Variants in SPTLC2 observed in about 807,000 individuals in gnomAD.
SPTLC2 encodes serine palmitoyltransferase 2.
A neutral mutation model predicts 62.0 loss-of-function variants in SPTLC2; 21 were observed. The observed-to-expected ratio is 0.34, with a 90% CI of 0.24 to 0.49. SPTLC2 has a LOEUF of 0.49. Among genes scored for constraint, SPTLC2 ranks in the 20% least tolerant of loss-of-function variants. SPTLC2 has a pLI of 0.99. For synonymous variants in SPTLC2, 261 were observed against 261.8 expected (o/e 1.00, Z 0.03); for missense variants, 511 against 713.0 (o/e 0.72, Z 3.23).
intron 9 of SPTLC2, among the ~76,000 whole-genome samples, chr14:77,543,346 T>A (rs2079511619): frequency 1.3e-5 from 2 of 152,098 alleles, no homozygotes; most frequent in African/African-American, 4.8e-5. Context: ...TGTCCTCTGT[T>A]GGGGCTGGAA....
chr14:77,597,418 CAAG>C (rs933461155), intron 1 of SPTLC2, 38 bp from the exon 2 acceptor site: 15 of 1,569,344 alleles, frequency 9.6e-6, no homozygotes, highest in African/African-American at 1.4e-5. Flanking sequence ...TCCATCATGG[CAAG>C]AAAAACATTC....
Position 77,597,426 on chromosome 14 carries a change from A to C in SPTLC2, c.133-46T>G, listed in dbSNP as rs762262754. 1.9e-6 allele frequency: 3 copies of C among 1,558,252 alleles called. No individual in the cohort carries two copies. The South Asian group carries it at 3.3e-5, about 17-fold the overall frequency. Reference sequence around the variant, plus strand: ...GTTTATTTCCATCATGGCAAGAAAAACATTCCTACCTAAAATCTAGGTCCT... The same window carrying C: ...GTTTATTTCCATCATGGCAAGAAAACCATTCCTACCTAAAATCTAGGTCCT... On this transcript the variant is annotated intron_variant, in intron 1 of 11. Transcript: ENST00000216484.
intron 4 of SPTLC2, among the ~76,000 whole-genome samples, chr14:77,574,777 A>G (rs1005738065): frequency 1.3e-5 from 2 of 152,252 alleles, no homozygotes; most frequent in African/African-American, 4.8e-5. Flanking sequence ...TTTTATATTT[A>G]ATGTCCAAAA....
rs963707121 is a variant in SPTLC2 at position 77,616,545 on chromosome 14, C to G, written c.35G>C (p.Arg12Pro). Residue 12 changes from arginine (R) to proline (P), a missense_variant, in exon 1 of 12, where the codon CGC becomes CCC. Physicochemically the swap from Arg to Pro is moderately radical, Grantham distance 103. Coordinates refer to ENST00000216484, the MANE Select transcript of SPTLC2 (RefSeq NM_004863.4). Reference protein sequence around the residue: ...RPEPGGCCCRRTVRANGCVAN... With the variant: ...RPEPGGCCCRPTVRANGCVAN... Reference sequence around the variant, plus strand: ...CACGCAGCCATTCGCCCGCACCGTGCGGCGGCAGCAGCAGCCTCCGGGCTC... The same window carrying G: ...CACGCAGCCATTCGCCCGCACCGTGGGGCGGCAGCAGCAGCCTCCGGGCTC... 25 of 1,535,866 alleles carry G rather than the reference C, an allele frequency of 1.6e-5. No individual in the cohort carries two copies. Among genetic ancestry groups the G allele is most frequent in the Non-Finnish European group, 2.1e-5 (24 of 1,146,728 alleles).
At chr14:77,615,053 G>A (rs971759653) in intron 1 of SPTLC2, among the ~76,000 whole-genome samples, 1 of 151,512 alleles carries the variant, frequency 6.6e-6, no homozygotes, top group East Asian at 1.9e-4. Context: ...ACTCCTACCC[G>A]TTAAATTTCC....
At chr14:77,610,224 T>G (rs566108696) in intron 1 of SPTLC2, among the ~76,000 whole-genome samples, 7 of 152,226 alleles carry the variant, frequency 4.6e-5, no homozygotes, top group Non-Finnish European at 7.4e-5. Flanking sequence ...CACTGCAACT[T>G]CCACCTCCTG....
intron 1 of SPTLC2, among the ~76,000 whole-genome samples, chr14:77,611,353 C>G (rs1247162830): frequency 6.8e-6 from 1 of 147,972 alleles, no homozygotes; most frequent in Non-Finnish European, 1.5e-5. Context: ...GACCCAGCTA[C>G]TTGGGAGGCT....
At chr14:77,597,039 C>A in intron 2 of SPTLC2, 147 bp downstream of exon 2, 1 of 789,868 alleles carries the variant, frequency 1.3e-6, no homozygotes, top group Non-Finnish European at 2.0e-6. Flanking sequence ...TTTCAGCTTT[C>A]TTTGTAGAAT....
At chr14:77,551,819 C>T (rs1372885068) in intron 9 of SPTLC2, among the ~76,000 whole-genome samples, 1 of 152,040 alleles carries the variant, frequency 6.6e-6, no homozygotes, top group African/African-American at 2.4e-5. Context: ...TCAAGAAAAA[C>T]CTCGAAGGTA....
chr14:77,605,185 T>TA (rs1205388728), intron 1 of SPTLC2, among the ~76,000 whole-genome samples: 1 of 151,998 alleles, frequency 6.6e-6, no homozygotes, highest in Non-Finnish European at 1.5e-5. Context: ...GGTTAATTTT[T>TA]TTTTTTTTTT....
intron 1 of SPTLC2, among the ~76,000 whole-genome samples, chr14:77,607,392 A>G (rs1430414469): frequency 6.6e-6 from 1 of 152,238 alleles, no homozygotes; most frequent in East Asian, 1.9e-4. Flanking sequence ...ATTAAAAGTA[A>G]TGGCAAAAGT....
intron 2 of SPTLC2, among the ~76,000 whole-genome samples, chr14:77,593,065 T>C (rs1018705196): frequency 6.6e-6 from 1 of 151,196 alleles, no homozygotes; most frequent in Admixed American, 6.6e-5. Flanking sequence ...ATCACGCCAC[T>C]GTACTCCAGC....
chr14:77,523,923 G>T (rs2079396731), intron 9 of SPTLC2, among the ~76,000 whole-genome samples: 1 of 152,126 alleles, frequency 6.6e-6, no homozygotes, highest in Admixed American at 6.5e-5. Flanking sequence ...AAAATTCCAG[G>T]CATTCAAAGA....
At chr14:77,594,586 C>A (rs375893014) in intron 2 of SPTLC2, among the ~76,000 whole-genome samples, 4 of 152,170 alleles carry the variant, frequency 2.6e-5, no homozygotes, top group African/African-American at 9.7e-5. Flanking sequence ...CATGGCGAGA[C>A]GCTGTCTCTA....
chr14:77,604,622 C>A (rs2079894952), intron 1 of SPTLC2, among the ~76,000 whole-genome samples: 1 of 152,096 alleles, frequency 6.6e-6, no homozygotes, highest in African/African-American at 2.4e-5. Flanking sequence ...AATACTAGCA[C>A]TTTGGGAGGC....
At position 77,539,558 on chromosome 14, in the gene SPTLC2, C is replaced by T. The variant is rs550918718; in HGVS notation, c.1303+12538G>A. Among the ~76,000 whole-genome samples, 8 of 120,794 alleles carry T rather than the reference C, an allele frequency of 6.6e-5. No homozygotes were observed. In the East Asian group the frequency reaches 1.7e-3, roughly 26 times the overall value. 79.2% of individuals were successfully genotyped at this position (120,794 alleles called of 152,430 possible). A position where few individuals can be genotyped will look rare whatever the true frequency, so the allele number is the denominator to read the frequency against. ...AGCCTGGAGTACAGTGGTGTGATCT[C>T]GGTTCATTGCAACCTCTGGCTCCTG... On this transcript the variant is annotated intron_variant, in intron 9 of 11. Transcript: ENST00000216484.
At chr14:77,537,518 A>G (rs2079477472) in intron 9 of SPTLC2, among the ~76,000 whole-genome samples, 1 of 152,200 alleles carries the variant, frequency 6.6e-6, no homozygotes. Flanking sequence ...AAGTTGAAAT[A>G]CGCTGGGAAA....
At chr14:77,597,472 C>A in intron 1 of SPTLC2, 92 bp from the exon 2 acceptor site, 2 of 1,256,482 alleles carry the variant, frequency 1.6e-6, no homozygotes, top group South Asian at 2.5e-5. Context: ...CTGAATTATA[C>A]CTTAAGAATT....
In SPTLC2 at chr14:77,616,592, A is replaced by G; in HGVS notation, c.-13T>C. ...GCTCCGGCCGCATCTTCCTGGCAGCACCAGGCGCAAGGCAGGCTCTGTAGG... is the reference window on the plus strand; with the variant it reads ...GCTCCGGCCGCATCTTCCTGGCAGCGCCAGGCGCAAGGCAGGCTCTGTAGG... On this transcript the variant is annotated 5_prime_UTR_variant, in exon 1 of 12. Transcript: ENST00000216484. 6.5e-7 allele frequency: 1 copy of G among 1,537,888 alleles called. No individual in the cohort carries two copies. Among genetic ancestry groups the G allele is most frequent in the Non-Finnish European group, 8.7e-7 (1 of 1,147,948 alleles).
Sources: allele counts gnomAD v4.1 joint callset (sites outside exome capture counted in the v4.1 genomes callset), GRCh38; gene constraint gnomAD v4.1.1; transcripts MANE v1.5; gene names NCBI Gene and HGNC (gene_info 2026-07-23, HGNC 2026-07-21).